The following MACROD2 variants were observed in gnomAD, a reference collection of about 807,000 sequenced individuals.
The protein encoded by MACROD2 is mono-ADP ribosylhydrolase 2.
Under a neutral mutation model 70.4 loss-of-function variants are expected in MACROD2, and 36 were observed. The observed-to-expected ratio is 0.51, with a 90% CI of 0.39 to 0.68. The LOEUF is 0.68. Ranked by LOEUF, MACROD2 falls within the 30% of genes least tolerant of loss-of-function variation. The pLI, the probability that MACROD2 is intolerant of heterozygous loss-of-function variation, is 0.00. For missense variants in MACROD2, 496 were observed against 538.4 expected (o/e 0.92, Z 0.78); for synonymous variants, 172 against 178.8 (o/e 0.96, Z 0.30).
chr20:15,174,766 A>AT (rs2076447447), intron 5 of MACROD2, among the ~76,000 whole-genome samples: 3 of 152,030 alleles, frequency 2.0e-5, no homozygotes, highest in African/African-American at 7.2e-5. Context: ...GATGGTGAGC[A>AT]TTTTTTCATG....
intron 3 of MACROD2, among the ~76,000 whole-genome samples, chr20:14,472,807 C>G (rs1380457031): frequency 6.6e-6 from 1 of 151,910 alleles, no homozygotes; most frequent in African/African-American, 2.4e-5. Context: ...GATGAAGGAG[C>G]CTGGTATTTG....
intron 7 of MACROD2, among the ~76,000 whole-genome samples, chr20:15,460,544 C>T (rs2046793419): frequency 6.6e-6 from 1 of 152,256 alleles, no homozygotes; most frequent in African/African-American, 2.4e-5. Context: ...GGGGACACTC[C>T]TCTAGGTTGC....
intron 5 of MACROD2, among the ~76,000 whole-genome samples, chr20:15,011,269 C>T (rs1311293130): frequency 2.6e-5 from 4 of 151,916 alleles, no homozygotes; most frequent in East Asian, 3.9e-4. Context: ...TGGATTTCCT[C>T]TGTGGTGGGA....
At chr20:14,680,431 G>A (rs950890417) in intron 4 of MACROD2, among the ~76,000 whole-genome samples, 1 of 152,134 alleles carries the variant, frequency 6.6e-6, no homozygotes, top group African/African-American at 2.4e-5. Context: ...TAGGAGTAAA[G>A]ACTACATCCT....
intron 5 of MACROD2, among the ~76,000 whole-genome samples, chr20:14,886,709 T>A (rs571051846): frequency 6.6e-6 from 1 of 152,268 alleles, no homozygotes; most frequent in East Asian, 1.9e-4. Context: ...ATTGAAATAA[T>A]GAGTAAATGA....
At chr20:15,754,507 G>C (rs1037182303) in intron 8 of MACROD2, among the ~76,000 whole-genome samples, 1 of 151,990 alleles carries the variant, frequency 6.6e-6, no homozygotes, top group Non-Finnish European at 1.5e-5. Flanking sequence ...CTACTCGGGA[G>C]GCTGAGGTAG....
intron 5 of MACROD2, among the ~76,000 whole-genome samples, chr20:15,022,700 C>A (rs1426657924): frequency 6.6e-6 from 1 of 152,184 alleles, no homozygotes; most frequent in African/African-American, 2.4e-5. Flanking sequence ...CATTACATAG[C>A]TTTATGAGTT....
chr20:15,897,091 C>G (rs966268771), intron 10 of MACROD2, among the ~76,000 whole-genome samples: 2 of 152,032 alleles, frequency 1.3e-5, no homozygotes, highest in African/African-American at 4.8e-5. Context: ...CTTCCTTTGT[C>G]TTTCAGAAGT....
At chr20:15,040,630 A>G (rs2075348923) in intron 5 of MACROD2, among the ~76,000 whole-genome samples, 1 of 152,008 alleles carries the variant, frequency 6.6e-6, no homozygotes, top group Admixed American at 6.6e-5. Context: ...ACCTTTTTGG[A>G]TTGCCAATTC....
At chr20:14,144,914 A>G (rs1203518424) in intron 3 of MACROD2, among the ~76,000 whole-genome samples, 5 of 152,160 alleles carry the variant, frequency 3.3e-5, no homozygotes, top group Non-Finnish European at 7.3e-5. Flanking sequence ...AGGGCTCATC[A>G]TGTTCGCCAC....
intron 4 of MACROD2, among the ~76,000 whole-genome samples, chr20:14,639,412 A>T (rs1198511210): frequency 6.6e-6 from 1 of 152,030 alleles, no homozygotes; most frequent in Non-Finnish European, 1.5e-5. Flanking sequence ...TTATTTATCC[A>T]ACTTTAGAAG....
chr20:13,995,925 G>T lies in MACROD2; in HGVS notation c.46+116G>T. On this transcript the variant is annotated intron_variant, in intron 1 of 17. Transcript: ENST00000684519. The surrounding 1 kb of genome is among the most constrained non-coding windows in gnomAD (Gnocchi z 4.3). ...CGAGCTCCCGCCTCGCGCCCTCCCG[G>T]CCGGTGCCGCCTCCCTCCGGTGTCC... 1.7e-6 allele frequency: 2 copies of T among 1,195,628 alleles called. No individual in the cohort carries two copies. Among genetic ancestry groups the T allele is most frequent in the Non-Finnish European group, 2.4e-6 (2 of 834,358 alleles). The allele number at this position is 1,195,628 out of a possible 1,614,324, so 74.1% of individuals were successfully genotyped here.
chr20:14,855,718 A>G (rs2073248955), intron 5 of MACROD2, among the ~76,000 whole-genome samples: 1 of 142,484 alleles, frequency 7.0e-6, no homozygotes, highest in Non-Finnish European at 1.5e-5. Flanking sequence ...TGTATCTTTT[A>G]CAAGCTTTAA....
In MACROD2 at chr20:15,482,256, A is replaced by T. The variant is rs572386873; in HGVS notation, c.572-17518A>T. Among the ~76,000 whole-genome samples the T allele has an allele frequency of 1.8e-3, 272 of 152,350 alleles. 2 individuals carry two copies. The highest frequency in any genetic ancestry group is 2.1e-3 in the Non-Finnish European group (140 of 68,032). ...TTTAAGTTTTCAAGGTTTTTTACTA[A>T]TAAGTATGGTATAATAAAGATTTGA... On this transcript the variant is annotated intron_variant, in intron 7 of 17. Transcript: ENST00000684519.
At chr20:15,691,698 T>C (rs372879562) in intron 8 of MACROD2, among the ~76,000 whole-genome samples, 1 of 152,054 alleles carries the variant, frequency 6.6e-6, no homozygotes, top group East Asian at 1.9e-4. Flanking sequence ...AAGAGAAGAG[T>C]TGAAAAGCAA....
intron 3 of MACROD2, among the ~76,000 whole-genome samples, chr20:14,212,848 G>C (rs1314035692): frequency 6.6e-6 from 1 of 151,788 alleles, no homozygotes; most frequent in African/African-American, 2.4e-5. Context: ...ACTCAATAGA[G>C]GAAGGTTTGT....
intron 8 of MACROD2, among the ~76,000 whole-genome samples, chr20:15,539,574 C>T (rs1378046854): frequency 6.6e-6 from 1 of 152,176 alleles, no homozygotes; most frequent in Non-Finnish European, 1.5e-5. Flanking sequence ...GATATTTTCA[C>T]TGGTTGATTG....
intron 5 of MACROD2, among the ~76,000 whole-genome samples, chr20:14,841,263 G>A (rs898246195): frequency 2.0e-5 from 3 of 152,050 alleles, no homozygotes; most frequent in Non-Finnish European, 2.9e-5. Context: ...ATTCCTCTGA[G>A]AGTTTCTCTG....
In MACROD2 at chr20:15,816,383, G is replaced by A. The variant is rs73248206; in HGVS notation, c.646-46362G>A. 4.5e-4 allele frequency among the ~76,000 whole-genome samples: 69 copies of A among 152,010 alleles called. No individual in the cohort carries two copies. In the East Asian group the frequency reaches 7.5e-3, roughly 17 times the overall value. On this transcript the variant is annotated intron_variant, in intron 8 of 17. Transcript: ENST00000684519. ...GAATCAGACTTTTTCATTAATTCAT[G>A]CAAACCAGCCTGAATTCTACTGGCA...
Sources: allele counts gnomAD v4.1 joint callset (sites outside exome capture counted in the v4.1 genomes callset), GRCh38; gene constraint gnomAD v4.1.1; non-coding constraint Gnocchi (gnomAD v3.1); transcripts MANE v1.5; gene names NCBI Gene and HGNC (gene_info 2026-07-23, HGNC 2026-07-21).